The following GXYLT2 variants were observed in gnomAD, a reference collection of about 807,000 sequenced individuals.
The protein encoded by GXYLT2 is glycosyltransferase 8 domain containing 4.
A neutral mutation model predicts 45.8 loss-of-function variants in GXYLT2; 53 were observed. The observed-to-expected ratio is 1.16, with a 90% confidence interval of 0.93 to 1.46. The LOEUF is 1.46. Among genes scored for constraint, GXYLT2 ranks in the 40% most tolerant of loss-of-function variants. The pLI is 0.00. For synonymous variants in GXYLT2, 219 were observed against 214.2 expected, an observed-to-expected ratio of 1.02 and a Z score of -0.19; for missense variants, 551 against 544.4, an observed-to-expected ratio of 1.01 and a Z score of -0.12.
chr3:72,910,564 T>A (rs1709596626), intron 2 of GXYLT2, among the ~76,000 whole-genome samples: 1 of 152,132 alleles, frequency 6.6e-6, no homozygotes, highest in East Asian at 1.9e-4. Context: ...CTCAGACACT[T>A]TTCATGTGCC....
At chr3:72,971,947 TA>T (rs77835059) in intron 6 of GXYLT2, among the ~76,000 whole-genome samples, 1,687 of 130,472 alleles carry the variant, frequency 0.013, 13 homozygotes, top group African/African-American at 0.028. Flanking sequence ...ACACTCCATC[TA>T]AAAAAAAAAA....
At chr3:72,952,871 G>T (rs1710552920) in intron 3 of GXYLT2, among the ~76,000 whole-genome samples, 1 of 152,084 alleles carries the variant, frequency 6.6e-6, no homozygotes, top group Non-Finnish European at 1.5e-5. Context: ...ACATATGAAT[G>T]TTGGGGACAC....
chr3:72,921,726 G>A (rs978869483), intron 2 of GXYLT2, among the ~76,000 whole-genome samples: 1 of 152,120 alleles, frequency 6.6e-6, no homozygotes, highest in Non-Finnish European at 1.5e-5. Flanking sequence ...ACCATCCCTG[G>A]TCCCTCTAAC....
chr3:72,975,149 A>G lies in GXYLT2; in HGVS notation c.1322A>G (p.Gln441Arg). 1 of 1,611,144 alleles carries G rather than the reference A, an allele frequency of 6.2e-7. No homozygotes were observed. The highest frequency in any genetic ancestry group is 8.5e-7 in the Non-Finnish European group (1 of 1,178,222). The change falls in exon 7 of 7, where the codon CAG becomes CGG. Residue 441 changes from glutamine to arginine, a missense_variant. Physicochemically the swap from Gln to Arg is conservative, Grantham distance 43. Coordinates refer to ENST00000389617, the MANE Select transcript of GXYLT2 (RefSeq NM_001080393.2). ...KHVIIHVGPN[Q>R]MH is the part of the protein sequence containing the mutation. ...GTCATCATCCATGTTGGCCCCAACC[A>G]GATGCACTGAATATTTTGTCTTGTT...
intron 5 of GXYLT2, among the ~76,000 whole-genome samples, chr3:72,958,492 A>T (rs915148539): frequency 6.6e-6 from 1 of 152,048 alleles, no homozygotes; most frequent in Non-Finnish European, 1.5e-5. Flanking sequence ...AATAAAACTC[A>T]ATTTCATATG....
intron 1 of GXYLT2, among the ~76,000 whole-genome samples, chr3:72,890,289 T>C (rs541547658): frequency 6.6e-6 from 1 of 152,320 alleles, no homozygotes; most frequent in East Asian, 1.9e-4. Flanking sequence ...TGGGAACTTG[T>C]TAGAAATGCA....
rs527282597 is a variant in GXYLT2 at position 72,901,365 on chromosome 3, G to A, written c.276-7002G>A. 4.6e-5 allele frequency among the ~76,000 whole-genome samples: 7 copies of A among 150,980 alleles called. No individual in the cohort carries two copies. In the South Asian group the frequency reaches 1.3e-3, roughly 27 times the overall value. ...CTCAGCTAGTCAGGAGGCTGAGGCA[G>A]GAGAATTGCTTGAACTGGGACCCGA... is the stretch of plus-strand genomic sequence containing the variant. On this transcript the variant is annotated intron_variant, in intron 1 of 6. Coordinates refer to ENST00000389617, the MANE Select transcript of GXYLT2 (RefSeq NM_001080393.2).
At chr3:72,941,348 C>A (rs374401063) in intron 3 of GXYLT2, among the ~76,000 whole-genome samples, 57 of 152,262 alleles carry the variant, frequency 3.7e-4, no homozygotes, top group African/African-American at 1.3e-3. Flanking sequence ...GTTGCAGAGT[C>A]AAGTCCAGGC....
At chr3:72,954,175 T>A (rs1266690012) in intron 3 of GXYLT2, among the ~76,000 whole-genome samples, 3 of 152,044 alleles carry the variant, frequency 2.0e-5, no homozygotes, top group Non-Finnish European at 4.4e-5. Context: ...GCTATCTTGG[T>A]TCACTGGAAC....
intron 3 of GXYLT2, among the ~76,000 whole-genome samples, chr3:72,947,860 G>A (rs1418692824): frequency 1.3e-5 from 2 of 152,074 alleles, no homozygotes; most frequent in Non-Finnish European, 2.9e-5. Context: ...GATAAAAGTA[G>A]GATGATTTAT....
intron 1 of GXYLT2, among the ~76,000 whole-genome samples, chr3:72,907,365 A>T (rs1476846864): frequency 3.3e-5 from 5 of 152,226 alleles, no homozygotes; most frequent in Non-Finnish European, 7.3e-5. Context: ...GCAGTGAATA[A>T]TGGAGCAGCA....
intron 2 of GXYLT2, among the ~76,000 whole-genome samples, chr3:72,912,737 C>A (rs899730051): frequency 6.6e-6 from 1 of 152,164 alleles, no homozygotes; most frequent in African/African-American, 2.4e-5. Flanking sequence ...AAGATTCCAG[C>A]CGCCAGCCTT....
intron 5 of GXYLT2, among the ~76,000 whole-genome samples, chr3:72,965,509 T>C (rs771160838): frequency 2.0e-5 from 3 of 152,182 alleles, no homozygotes; most frequent in Non-Finnish European, 2.9e-5. Context: ...CTTTGATCCA[T>C]ACTCCTCTGC....
intron 3 of GXYLT2, 84 bp downstream of exon 3, chr3:72,922,419 C>A: frequency 7.3e-7 from 1 of 1,371,582 alleles, no homozygotes; most frequent in South Asian, 1.4e-5. Context: ...AAACATTTAA[C>A]TTAACAGCTG....
intron 5 of GXYLT2, among the ~76,000 whole-genome samples, chr3:72,957,614 C>A (rs1710674533): frequency 6.6e-6 from 1 of 152,128 alleles, no homozygotes; most frequent in South Asian, 2.1e-4. Context: ...TTTTGCTATA[C>A]CATTCTTCTA....
At chr3:72,960,579 A>G (rs1294564768) in intron 5 of GXYLT2, among the ~76,000 whole-genome samples, 1 of 152,194 alleles carries the variant, frequency 6.6e-6, no homozygotes, top group Non-Finnish European at 1.5e-5. Context: ...TATCAAGTAA[A>G]TAACCAAGTT....
chr3:72,889,386 T>C (rs1402232802), intron 1 of GXYLT2, among the ~76,000 whole-genome samples: 2 of 152,206 alleles, frequency 1.3e-5, no homozygotes, highest in Non-Finnish European at 2.9e-5. Flanking sequence ...CTCCTTAATT[T>C]CAACCTGAAA....
chr3:72,973,269 AG>A (rs909298519), intron 6 of GXYLT2, among the ~76,000 whole-genome samples: 1 of 152,176 alleles, frequency 6.6e-6, no homozygotes, highest in African/African-American at 2.4e-5. Flanking sequence ...GAGGCAGCCC[AG>A]GGGAAATCTG....
rs560096536 is a variant in GXYLT2 at position 72,932,742 on chromosome 3, G to A, written c.600+10407G>A. ...GCCTTCAGAGAGGTCCAGTTACTTT[G>A]TTAAGATGAGGAATATGAGATAATA... On this transcript the variant is annotated intron_variant, in intron 3 of 6. Transcript: ENST00000389617. Among the ~76,000 whole-genome samples, 59 of 152,326 alleles carry A rather than the reference G, an allele frequency of 3.9e-4. No homozygotes were observed. The South Asian group carries it at 5.2e-3, about 13-fold the overall frequency.
Sources: gnomAD v4.1 joint callset for allele counts (sites outside exome capture counted in the v4.1 genomes callset) on GRCh38, gnomAD v4.1.1 for gene constraint, MANE v1.5 for transcripts, NCBI Gene and HGNC (gene_info 2026-07-23, HGNC 2026-07-21) for gene names.